Variants in MEIOSIN observed in about 807,000 individuals in gnomAD.
The protein encoded by MEIOSIN is meiosis initiator.
MEIOSIN carries 18 observed loss-of-function variants against 23.4 expected under a neutral mutation model. The observed-to-expected ratio is 0.77, with a 90% CI of 0.53 to 1.14. The LOEUF is 1.14. MEIOSIN is among the 50% of genes most tolerant of loss of function. The probability of loss-of-function intolerance (pLI) is 0.00; values close to 1 mark genes in which losing one functional copy is unlikely to be tolerated. For missense variants in MEIOSIN, 428 were observed against 242.9 expected (o/e 1.76, Z -5.07); for synonymous variants, 187 against 100.6 (o/e 1.86, Z -5.14).
chr19:45,756,154 A>G (rs1968824953), intron 8 of MEIOSIN, 76 bp downstream of exon 8: 2 of 684,150 alleles, frequency 2.9e-6, no homozygotes, highest in Admixed American at 4.1e-5. Context: ...TAGTGGGAAG[A>G]CAGGCCAAGT....
At chr19:45,734,668 T>G (rs2146169689) in intron 1 of MEIOSIN, among the ~76,000 whole-genome samples, 1 of 144,844 alleles carries the variant, frequency 6.9e-6, no homozygotes, top group Non-Finnish European at 1.5e-5. Context: ...TATGCCCAGG[T>G]AATTTTTTTT....
Position 45,764,184 on chromosome 19 carries a change from G to T in MEIOSIN, c.*66G>T. On this transcript the variant is annotated 3_prime_UTR_variant, in exon 15 of 15. Coordinates refer to ENST00000457052, the MANE Select transcript of MEIOSIN (RefSeq NM_001310124.2). ...AACCGCGGCTCTTGCTGGAAGCCAG[G>T]ACCCATCGATGAACTTGTCCCTCCT... 2.5e-6 allele frequency: 1 copy of T among 398,612 alleles called. No individual in the cohort carries two copies. The highest frequency in any genetic ancestry group is 3.6e-5 in the East Asian group (1 of 28,066). 24.7% of individuals were successfully genotyped at this position (398,612 alleles called of 1,614,324 possible).
chr19:45,752,038 T>G lies in MEIOSIN; in HGVS notation c.418+1252T>G, dbSNP rs1436147930. Among the ~76,000 whole-genome samples the G allele has an allele frequency of 1.2e-4, 17 of 145,192 alleles. No homozygotes were observed. In the South Asian group the frequency reaches 3.7e-3, roughly 31 times the overall value. Reference sequence around the variant, plus strand: ...GTGAGCCCCTGCTCCTAGCCGTTTTTTTTTTTTTTTTTTTTTGAGACAAGG... The same window carrying G: ...GTGAGCCCCTGCTCCTAGCCGTTTTGTTTTTTTTTTTTTTTTGAGACAAGG... On this transcript the variant is annotated intron_variant, in intron 5 of 14. Transcript: ENST00000457052.
At position 45,741,877 on chromosome 19, in the gene MEIOSIN, TA is replaced by T. The variant is rs1334752970; in HGVS notation, c.176+2148del. ...TATTTTATTTTATTTATTATTTATT[TA>T]TTTATTTTTTGAGACGGAGCTTTTG... On this transcript the variant is annotated intron_variant, in intron 3 of 14. Coordinates refer to ENST00000457052, the MANE Select transcript of MEIOSIN (RefSeq NM_001310124.2). Among the ~76,000 whole-genome samples the T allele has an allele frequency of 4.2e-3, 640 of 152,116 alleles. 10 individuals carry two copies. Among genetic ancestry groups the T allele is most frequent in the African/African-American group, 0.015 (609 of 41,556 alleles).
chr19:45,757,348 C>G (rs1042134465), intron 9 of MEIOSIN, 71 bp downstream of exon 9: 1 of 671,696 alleles, frequency 1.5e-6, no homozygotes, highest in Non-Finnish European at 2.8e-6. Flanking sequence ...CTGAGGATGT[C>G]TATGGAAGAG....
intron 3 of MEIOSIN, among the ~76,000 whole-genome samples, chr19:45,742,858 A>G (rs1038994352): frequency 2.0e-5 from 3 of 152,186 alleles, no homozygotes; most frequent in Non-Finnish European, 4.4e-5. Flanking sequence ...CATTCCAAAC[A>G]GAGAAGGCAG....
Position 45,735,263 on chromosome 19 carries a change from T to C in MEIOSIN, c.1-114T>C, listed in dbSNP as rs536189010. 4.8e-6 allele frequency: 3 copies of C among 627,508 alleles called. No individual in the cohort carries two copies. The East Asian group carries it at 8.5e-5, about 18-fold the overall frequency. 38.9% of individuals were successfully genotyped at this position (627,508 alleles called of 1,614,324 possible). ...GGGGCTAGGGACTCTTATTTTGGGA[T>C]CTCTGGGTGCTCAAAGGAGCATCAT... On this transcript the variant is annotated intron_variant, in intron 1 of 14. Coordinates refer to ENST00000457052, the MANE Select transcript of MEIOSIN (RefSeq NM_001310124.2).
chr19:45,746,691 C>T (rs116151521), intron 4 of MEIOSIN, among the ~76,000 whole-genome samples: 3,956 of 151,982 alleles, frequency 0.026, 171 homozygotes, highest in African/African-American at 0.09. Flanking sequence ...AGTGGTGGCG[C>T]GTGCCTATAA....
intron 3 of MEIOSIN, among the ~76,000 whole-genome samples, chr19:45,741,634 C>A (rs1968505751): frequency 6.6e-6 from 1 of 151,656 alleles, no homozygotes; most frequent in Admixed American, 6.6e-5. Context: ...TCACTCTAGC[C>A]CAGGAGGTGG....
At position 45,758,871 on chromosome 19, in the gene MEIOSIN, T is replaced by C. The variant is rs1251537715; in HGVS notation, c.1013-7T>C. ...CCACACCCCTGAGTCTGCTGTTCCC[T>C]TTCCAGGGAGCCCACTGTTCCTGGG... is the stretch of plus-strand genomic sequence containing the variant. On this transcript the variant is annotated splice_region_variant and splice_polypyrimidine_tract_variant and intron_variant, in intron 9 of 14. Coordinates refer to ENST00000457052, the MANE Select transcript of MEIOSIN (RefSeq NM_001310124.2). 8.5e-6 allele frequency: 6 copies of C among 703,014 alleles called. No individual in the cohort carries two copies. Among genetic ancestry groups the C allele is most frequent in the Non-Finnish European group, 1.0e-5 (4 of 384,974 alleles). 43.5% of individuals were successfully genotyped at this position (703,014 alleles called of 1,614,324 possible).
chr19:45,746,982 A>G (rs184039763), intron 4 of MEIOSIN, among the ~76,000 whole-genome samples: 2 of 152,216 alleles, frequency 1.3e-5, no homozygotes, highest in African/African-American at 2.4e-5. Context: ...TGCTAAAAAT[A>G]TTTGAGGAAT....
intron 13 of MEIOSIN, among the ~76,000 whole-genome samples, 189 bp from the exon 14 acceptor site, chr19:45,763,149 G>A (rs965679899): frequency 1.3e-5 from 2 of 152,152 alleles, no homozygotes; most frequent in African/African-American, 4.8e-5. Flanking sequence ...GTGCCCACAG[G>A]TCCCCTGCAC....
In MEIOSIN at chr19:45,758,926, C is replaced by A. The variant is rs775585869; in HGVS notation, c.1061C>A (p.Thr354Lys). ...GPPQIDVWSG[T>K]GHPSEILGLS... ...CCCCAGATTGATGTCTGGAGTGGAA[C>A]AGGCCACCCAAGTGAGATCCTCGGG... The change falls in exon 10 of 15, where the codon ACA (threonine) becomes AAA (lysine). Residue 354 changes from threonine to lysine, a missense_variant. Coordinates refer to ENST00000457052, the MANE Select transcript of MEIOSIN (RefSeq NM_001310124.2). The A allele has an allele frequency of 1.4e-6, 1 of 703,114 alleles. No homozygotes were observed. Among genetic ancestry groups the A allele is most frequent in the South Asian group, 1.5e-5 (1 of 67,604 alleles). 43.6% of individuals were successfully genotyped at this position (703,114 alleles called of 1,614,324 possible).
Position 45,764,280 on chromosome 19 carries a change from G to A in MEIOSIN, c.*162G>A, listed in dbSNP as rs1969015208. 1 of 396,444 alleles carries A rather than the reference G, an allele frequency of 2.5e-6. No individual in the cohort carries two copies. The highest frequency in any genetic ancestry group is 4.4e-6 in the Non-Finnish European group (1 of 225,264). The allele number at this position is 396,444 out of a possible 1,614,324, so 24.6% of individuals were successfully genotyped here. A position where few individuals can be genotyped will look rare whatever the true frequency, so the allele number is the denominator to read the frequency against. ...GGGGCACTGATTAGCCCCAACCGCT[G>A]GGCACATTTGCCTGGAGCACCAGAG... On this transcript the variant is annotated 3_prime_UTR_variant, in exon 15 of 15. Transcript: ENST00000457052.
intron 10 of MEIOSIN, among the ~76,000 whole-genome samples, 182 bp downstream of exon 10, chr19:45,759,215 T>C (rs537928497): frequency 1.3e-5 from 2 of 152,296 alleles, no homozygotes; most frequent in South Asian, 4.1e-4. Context: ...TAGAAGCCCA[T>C]AGCAGGACTT....
At chr19:45,759,751 G>A (rs1968902833) in intron 11 of MEIOSIN, among the ~76,000 whole-genome samples, 1 of 151,808 alleles carries the variant, frequency 6.6e-6, no homozygotes, top group Non-Finnish European at 1.5e-5. Flanking sequence ...AAGCTGCCAG[G>A]TGCCCATAGA....
chr19:45,745,020 T>C (rs1968566478), intron 3 of MEIOSIN, among the ~76,000 whole-genome samples, 172 bp from the exon 4 acceptor site: 1 of 152,004 alleles, frequency 6.6e-6, no homozygotes, highest in African/African-American at 2.4e-5. Context: ...GACTGACTGA[T>C]TAAGGGCTAA....
rs775719188 is a variant in MEIOSIN at position 45,748,081 on chromosome 19, C to CT, written c.307-2580dup. 8.1e-3 allele frequency among the ~76,000 whole-genome samples: 1,166 copies of CT among 144,274 alleles called. 2 individuals carry two copies. Among genetic ancestry groups the CT allele is most frequent in the South Asian group, 0.012 (56 of 4,550 alleles). 94.6% of individuals were successfully genotyped at this position (144,274 alleles called of 152,430 possible). ...CCTGAGCAACAGAGTAAGACCCTGT[C>CT]TTTTTTTTTTTTTTGAGACGGAGTC... On this transcript the variant is annotated intron_variant, in intron 4 of 14. Coordinates refer to ENST00000457052, the MANE Select transcript of MEIOSIN (RefSeq NM_001310124.2).
chr19:45,738,328 T>C (rs529636698), intron 2 of MEIOSIN, among the ~76,000 whole-genome samples: 1 of 152,214 alleles, frequency 6.6e-6, no homozygotes, highest in Non-Finnish European at 1.5e-5. Context: ...AAATATTGTA[T>C]GTCAAAAATG....
Sources: gnomAD v4.1 joint callset for allele counts (sites outside exome capture counted in the v4.1 genomes callset) on GRCh38, gnomAD v4.1.1 for gene constraint, MANE v1.5 for transcripts, NCBI Gene and HGNC (gene_info 2026-07-23, HGNC 2026-07-21) for gene names.